The following PRSS23 variants were observed in gnomAD, a reference collection of about 807,000 sequenced individuals.
PRSS23 encodes the protein serine protease 23, also known as protease, serine 23.
PRSS23 carries 25 observed loss-of-function variants against 34.7 expected under a neutral mutation model. The ratio of observed to expected loss-of-function variants is 0.72; its 90% CI spans 0.53 to 1.01. PRSS23 has a LOEUF of 1.01. Ranked by LOEUF, PRSS23 falls within the 50% of genes least tolerant of loss-of-function variation. The pLI is 0.00. For missense variants in PRSS23, 445 were observed against 475.6 expected (o/e 0.94, Z 0.60); for synonymous variants, 176 against 186.6 (o/e 0.94, Z 0.46).
intron 2 of PRSS23, among the ~76,000 whole-genome samples, chr11:86,852,151 C>T (rs1160521270): frequency 6.6e-6 from 1 of 152,178 alleles, no homozygotes; most frequent in Non-Finnish European, 1.5e-5. Context: ...GTCCACTGTC[C>T]TCCCTGCGTG....
intron 2 of PRSS23, chr11:86,949,414 A>G (rs1437609820): frequency 6.6e-6 from 1 of 152,010 alleles, no homozygotes; most frequent in East Asian, 1.9e-4. Flanking sequence ...TTGAAAAAAA[A>G]AAAAAGAAAA....
At chr11:86,876,569 A>G (rs1948725341) in intron 2 of PRSS23, among the ~76,000 whole-genome samples, 1 of 152,164 alleles carries the variant, frequency 6.6e-6, no homozygotes, top group Non-Finnish European at 1.5e-5. Flanking sequence ...TGGCCCATGG[A>G]CCACCAGAAT....
At chr11:86,857,127 C>G in intron 2 of PRSS23, 1 of 316,352 alleles carries the variant, frequency 3.2e-6, no homozygotes, top group East Asian at 8.5e-5. Flanking sequence ...CCCTGTTTCT[C>G]AGGCTGTAGA....
At chr11:86,881,280 ATGGTGT>A (rs1948770621) in intron 2 of PRSS23, among the ~76,000 whole-genome samples, 1 of 149,760 alleles carries the variant, frequency 6.7e-6, no homozygotes, top group Non-Finnish European at 1.5e-5. Flanking sequence ...TTATCATGAA[ATGGTGT>A]TGGTGTTTGT....
In PRSS23 at chr11:86,951,442, C is replaced by A. The variant is rs1168277108; in HGVS notation, c.*157C>A. 1.9e-6 allele frequency: 3 copies of A among 1,613,382 alleles called. No individual in the cohort carries two copies. In the African/African-American group the frequency reaches 4.0e-5, roughly 22 times the overall value. ...GAACTGTGTACAGTACTGAGAACAC[C>A]CCAATCTTGACCATCAGTCTTTCTA... On this transcript the variant is annotated 3_prime_UTR_variant, in exon 3 of 3. Transcript: ENST00000533902.
intron 2 of PRSS23, among the ~76,000 whole-genome samples, chr11:86,864,847 C>T (rs1948639960): frequency 6.6e-6 from 1 of 152,198 alleles, no homozygotes; most frequent in African/African-American, 2.4e-5. Context: ...TTAAAGTCAA[C>T]AGCTAGCATC....
At chr11:86,828,205 T>C (rs1426023327) in intron 2 of PRSS23, among the ~76,000 whole-genome samples, 3 of 152,240 alleles carry the variant, frequency 2.0e-5, no homozygotes, top group Non-Finnish European at 2.9e-5. Flanking sequence ...ATATTTAGGA[T>C]AGTTAGCTCT....
chr11:86,792,884 T>C (rs1280786171), intron 1 of PRSS23, among the ~76,000 whole-genome samples: 2 of 152,202 alleles, frequency 1.3e-5, no homozygotes, highest in African/African-American at 4.8e-5. Flanking sequence ...AACTCCATTC[T>C]TTTTTTGAGA....
At chr11:86,880,072 C>T (rs1290814596) in intron 2 of PRSS23, among the ~76,000 whole-genome samples, 3 of 151,856 alleles carry the variant, frequency 2.0e-5, no homozygotes, top group African/African-American at 2.4e-5. Context: ...GAGGTAGACA[C>T]GGGAGACTTT....
At chr11:86,914,405 G>A (rs1404885292) in intron 2 of PRSS23, among the ~76,000 whole-genome samples, 1 of 152,188 alleles carries the variant, frequency 6.6e-6, no homozygotes, top group South Asian at 2.1e-4. Context: ...AGGCACATTG[G>A]AGAGGGTTAA....
At chr11:86,893,772 C>T (rs1185241552) in intron 2 of PRSS23, among the ~76,000 whole-genome samples, 6 of 151,986 alleles carry the variant, frequency 3.9e-5, no homozygotes, top group Non-Finnish European at 5.9e-5. Flanking sequence ...TACTCTCATA[C>T]AAATATAAAA....
At chr11:86,917,458 A>G (rs989215572) in intron 2 of PRSS23, among the ~76,000 whole-genome samples, 1 of 152,238 alleles carries the variant, frequency 6.6e-6, no homozygotes, top group Non-Finnish European at 1.5e-5. Flanking sequence ...TATCCATATT[A>G]ATCACTGATT....
chr11:86,826,245 G>A (rs1471316977), intron 2 of PRSS23, among the ~76,000 whole-genome samples: 1 of 151,336 alleles, frequency 6.6e-6, no homozygotes, highest in African/African-American at 2.5e-5. Flanking sequence ...TGAAGCAATT[G>A]TGAATGGGAG....
chr11:86,839,997 A>T (rs1484576846), intron 2 of PRSS23, among the ~76,000 whole-genome samples: 1 of 151,960 alleles, frequency 6.6e-6, no homozygotes, highest in Non-Finnish European at 1.5e-5. Flanking sequence ...CTGCAAAAAC[A>T]TGCCAAATTG....
chr11:86,897,456 A>T (rs1402889120), intron 2 of PRSS23, among the ~76,000 whole-genome samples: 1 of 152,164 alleles, frequency 6.6e-6, no homozygotes, highest in Non-Finnish European at 1.5e-5. Flanking sequence ...AACTCAGTTT[A>T]TAGTAACTCT....
chr11:86,805,875 A>T (rs1310087160), intron 1 of PRSS23, among the ~76,000 whole-genome samples: 1 of 152,184 alleles, frequency 6.6e-6, no homozygotes, highest in Non-Finnish European at 1.5e-5. Context: ...GAATAACAAA[A>T]CAGTTTCTTC....
intron 2 of PRSS23, chr11:86,948,100 TG>T: frequency 6.6e-6 from 1 of 152,262 alleles, no homozygotes. Flanking sequence ...GAAGCAGAGC[TG>T]ATGCTTTCTG....
intron 2 of PRSS23, among the ~76,000 whole-genome samples, chr11:86,916,714 C>T (rs1218574498): frequency 1.3e-5 from 2 of 152,080 alleles, no homozygotes; most frequent in Non-Finnish European, 2.9e-5. Flanking sequence ...CCACACTGTT[C>T]CAACAGACCA....
At chr11:86,905,006 T>C (rs1948933241) in intron 2 of PRSS23, among the ~76,000 whole-genome samples, 1 of 152,200 alleles carries the variant, frequency 6.6e-6, no homozygotes, top group African/African-American at 2.4e-5. Context: ...CAGTGAGCTA[T>C]GGTTATACCA....
Sources: gnomAD v4.1 joint callset for allele counts (sites outside exome capture counted in the v4.1 genomes callset) on GRCh38, gnomAD v4.1.1 for gene constraint, MANE v1.5 for transcripts, NCBI Gene and HGNC (gene_info 2026-07-23, HGNC 2026-07-21) for gene names.